RERE: variants seen among roughly 807,000 people sequenced by gnomAD.
The protein encoded by RERE is arginine-glutamic acid dipeptide repeats.
In RERE, 40 loss-of-function variants were observed where a neutral mutation model predicts 146.1. The observed-to-expected ratio is 0.27, with a 90% CI of 0.21 to 0.36. The LOEUF (loss-of-function observed/expected upper bound fraction) is 0.36. Among genes scored for constraint, RERE ranks in the 10% least tolerant of loss-of-function variants. The probability of loss-of-function intolerance (pLI) is 1.00; values close to 1 mark genes in which losing one functional copy is unlikely to be tolerated. For synonymous variants in RERE, 1,003 were observed against 866.0 expected (o/e 1.16, Z -2.78); for missense variants, 1,933 against 2,138.7 (o/e 0.90, Z 1.90).
intron 1 of RERE, among the ~76,000 whole-genome samples, chr1:8,747,417 A>G (rs1640444558): frequency 6.6e-6 from 1 of 152,090 alleles, no homozygotes; most frequent in Non-Finnish European, 1.5e-5. Context: ...AGAACCTGCT[A>G]GGGTAACCAG....
intron 11 of RERE, among the ~76,000 whole-genome samples, chr1:8,446,744 G>A (rs1005575057): frequency 2.0e-5 from 3 of 151,990 alleles, no homozygotes; most frequent in East Asian, 1.9e-4. Context: ...GCGCCATCTC[G>A]GCTCACTGCA....
chr1:8,721,323 A>T (rs571225874), intron 1 of RERE, among the ~76,000 whole-genome samples: 23 of 151,858 alleles, frequency 1.5e-4, no homozygotes, highest in African/African-American at 5.6e-4. Context: ...TTTTATTATT[A>T]TTTTTTTAGA....
intron 4 of RERE, among the ~76,000 whole-genome samples, chr1:8,612,045 C>G (rs1198953528): frequency 2.0e-5 from 3 of 152,178 alleles, no homozygotes; most frequent in Non-Finnish European, 4.4e-5. Context: ...TTAAAACTTA[C>G]AAAATTAAAT....
At chr1:8,680,296 G>C (rs966025654) in intron 1 of RERE, among the ~76,000 whole-genome samples, 3 of 152,136 alleles carry the variant, frequency 2.0e-5, no homozygotes, top group African/African-American at 7.2e-5. Flanking sequence ...TCTGCCCTCT[G>C]AGTCCAGGTA....
chr1:8,456,385 C>T (rs921944311), intron 11 of RERE, among the ~76,000 whole-genome samples: 1 of 152,178 alleles, frequency 6.6e-6, no homozygotes, highest in East Asian at 1.9e-4. Flanking sequence ...AAAAACAGCT[C>T]CTCTCACAAA....
At chr1:8,640,218 C>T (rs1267485089) in intron 2 of RERE, among the ~76,000 whole-genome samples, 1 of 152,002 alleles carries the variant, frequency 6.6e-6, no homozygotes, top group Admixed American at 6.6e-5. Flanking sequence ...CATAAACTCA[C>T]TCCACTTTCC....
chr1:8,378,957 A>C (rs969955107), intron 12 of RERE, among the ~76,000 whole-genome samples: 1 of 152,198 alleles, frequency 6.6e-6, no homozygotes, highest in Non-Finnish European at 1.5e-5. Flanking sequence ...GTAATGTGGG[A>C]AACAGCAAAA....
chr1:8,583,453 G>A (rs1461302884), intron 4 of RERE, among the ~76,000 whole-genome samples: 6 of 152,186 alleles, frequency 3.9e-5, no homozygotes, highest in Non-Finnish European at 5.9e-5. Flanking sequence ...ATAGCTACCA[G>A]GCAATGAGGA....
chr1:8,553,292 C>T (rs1182666119), intron 6 of RERE, among the ~76,000 whole-genome samples: 1 of 151,722 alleles, frequency 6.6e-6, no homozygotes, highest in Non-Finnish European at 1.5e-5. Flanking sequence ...ACACGTGACA[C>T]TACACTACTA....
intron 10 of RERE, among the ~76,000 whole-genome samples, chr1:8,484,313 C>T (rs545609011): frequency 7.2e-5 from 11 of 152,220 alleles, no homozygotes; most frequent in East Asian, 3.9e-4. Context: ...AATGCAAACA[C>T]TGTATGAGGA....
chr1:8,555,308 C>T (rs1451857935), intron 6 of RERE, among the ~76,000 whole-genome samples: 3 of 152,230 alleles, frequency 2.0e-5, no homozygotes, highest in Non-Finnish European at 4.4e-5. Flanking sequence ...AGCCCAGCCA[C>T]TTCATTTATT....
intron 12 of RERE, among the ~76,000 whole-genome samples, chr1:8,419,375 A>G (rs1557622678): frequency 6.6e-6 from 1 of 152,182 alleles, no homozygotes. Context: ...AAACCAAAAG[A>G]GCTAGGAAAG....
At chr1:8,471,245 G>A (rs773855309) in intron 10 of RERE, among the ~76,000 whole-genome samples, 1 of 152,034 alleles carries the variant, frequency 6.6e-6, no homozygotes, top group African/African-American at 2.4e-5. Flanking sequence ...TCTTTCCTTC[G>A]ACACATTTAC....
intron 1 of RERE, among the ~76,000 whole-genome samples, chr1:8,661,038 G>C (rs996157478): frequency 6.6e-6 from 1 of 151,628 alleles, no homozygotes; most frequent in Non-Finnish European, 1.5e-5. Flanking sequence ...CCAACAAAAG[G>C]CACCATACCT....
At chr1:8,672,127 A>C (rs1426839963) in intron 1 of RERE, among the ~76,000 whole-genome samples, 6 of 152,156 alleles carry the variant, frequency 3.9e-5, no homozygotes, top group African/African-American at 1.4e-4. Context: ...AAAAATAAAT[A>C]ATAATTTTTA....
At chr1:8,563,630 C>T (rs955882503) in intron 4 of RERE, among the ~76,000 whole-genome samples, 3 of 152,180 alleles carry the variant, frequency 2.0e-5, no homozygotes, top group African/African-American at 7.2e-5. Flanking sequence ...CAAGTCAAAA[C>T]AATCTGCTGG....
At chr1:8,766,866 T>C (rs893978283) in intron 1 of RERE, among the ~76,000 whole-genome samples, 3 of 152,214 alleles carry the variant, frequency 2.0e-5, no homozygotes, top group Non-Finnish European at 2.9e-5. Flanking sequence ...TAAGGTTTTG[T>C]TGGAAGCTTT....
chr1:8,595,461 TTAA>T lies in RERE; in HGVS notation c.522+19097_522+19099del, dbSNP rs946726977. On this transcript the variant is annotated intron_variant, in intron 4 of 22. Coordinates refer to ENST00000400908, the MANE Select transcript of RERE (RefSeq NM_001042681.2). ...AGACAAACTTTAATGTATTTTATTATTAATGTTTTATTTTTATGTATTATTTTA... is the reference window on the plus strand; with the variant it reads ...AGACAAACTTTAATGTATTTTATTATTGTTTTATTTTTATGTATTATTTTA... 6.2e-4 allele frequency among the ~76,000 whole-genome samples: 94 copies of T among 151,898 alleles called. 1 individual carries two copies. Among genetic ancestry groups the T allele is most frequent in the South Asian group, 6.2e-4 (3 of 4,830 alleles).
chr1:8,394,684 T>C (rs979107191), intron 12 of RERE, among the ~76,000 whole-genome samples: 4 of 152,230 alleles, frequency 2.6e-5, no homozygotes, highest in African/African-American at 9.6e-5. Context: ...TCATAAGGTC[T>C]GAGTCCCAAC....
Sources: gnomAD v4.1 joint callset for allele counts (sites outside exome capture counted in the v4.1 genomes callset) on GRCh38, gnomAD v4.1.1 for gene constraint, MANE v1.5 for transcripts, NCBI Gene and HGNC (gene_info 2026-07-23, HGNC 2026-07-21) for gene names.